Variants in NRCAM observed in about 807,000 individuals in gnomAD.
NRCAM encodes NgCAM-related cell adhesion molecule.
NRCAM carries 83 observed loss-of-function variants against 156.5 expected under a neutral mutation model. The observed-to-expected ratio is 0.53, with a 90% confidence interval of 0.44 to 0.64. The LOEUF (loss-of-function observed/expected upper bound fraction) is 0.64, where lower values mean the gene tolerates loss of function less well. Ranked by LOEUF, NRCAM falls within the 30% of genes least tolerant of loss-of-function variation. The probability of loss-of-function intolerance (pLI) is 0.00; values close to 1 mark genes in which losing one functional copy is unlikely to be tolerated. For missense variants in NRCAM, 1,417 were observed against 1,597.3 expected (o/e 0.89, Z 1.92); for synonymous variants, 538 against 563.9 (o/e 0.95, Z 0.65).
intron 28 of NRCAM, among the ~76,000 whole-genome samples, chr7:108,171,108 C>G (rs1055855963): frequency 3.3e-5 from 5 of 152,194 alleles, no homozygotes; most frequent in African/African-American, 1.2e-4. Context: ...CCCCACTCAT[C>G]CACCTTCTCA....
intron 2 of NRCAM, among the ~76,000 whole-genome samples, chr7:108,354,537 C>G (rs2099465502): frequency 6.6e-6 from 1 of 152,186 alleles, no homozygotes; most frequent in South Asian, 2.1e-4. Context: ...TCAAGAGCAT[C>G]TATAGACATA....
chr7:108,208,659 C>T (rs1403822650), intron 12 of NRCAM, among the ~76,000 whole-genome samples: 1 of 152,142 alleles, frequency 6.6e-6, no homozygotes, highest in East Asian at 1.9e-4. Flanking sequence ...CTTTCCTTGT[C>T]TTTTGTGACC....
intron 1 of NRCAM, among the ~76,000 whole-genome samples, chr7:108,432,261 A>T (rs1414131424): frequency 6.6e-6 from 1 of 152,254 alleles, no homozygotes; most frequent in Non-Finnish European, 1.5e-5. Context: ...TGATCCTTTA[A>T]TATGGATTAC....
At chr7:108,213,498 C>A (rs891768873) in intron 11 of NRCAM, among the ~76,000 whole-genome samples, 4 of 152,162 alleles carry the variant, frequency 2.6e-5, no homozygotes, top group African/African-American at 9.7e-5. Flanking sequence ...GAACTCACCA[C>A]CAACTATCTG....
At chr7:108,296,826 T>C (rs2098462912) in intron 3 of NRCAM, among the ~76,000 whole-genome samples, 1 of 152,192 alleles carries the variant, frequency 6.6e-6, no homozygotes, top group Admixed American at 6.5e-5. Context: ...GAAAAATCTC[T>C]AAGAAACAAA....
At chr7:108,456,054 T>C (rs1024436729) in intron 1 of NRCAM, among the ~76,000 whole-genome samples, 189 bp downstream of exon 1, 1 of 151,906 alleles carries the variant, frequency 6.6e-6, no homozygotes, top group Non-Finnish European at 1.5e-5. Flanking sequence ...GTCGGGGGCC[T>C]GCAGGGGAGA....
intron 2 of NRCAM, among the ~76,000 whole-genome samples, chr7:108,372,370 AC>A (rs1336490488): frequency 0.025 from 11 of 444 alleles, no homozygotes; most frequent in South Asian, 0.056. Context: ...AACAACAACA[AC>A]AACAAAAAAT....
intron 1 of NRCAM, among the ~76,000 whole-genome samples, chr7:108,406,993 ATTCT>A (rs767756101): frequency 3.9e-5 from 6 of 152,230 alleles, no homozygotes; most frequent in Non-Finnish European, 5.9e-5. Context: ...AATAATATTT[ATTCT>A]TTCTTATCAA....
At chr7:108,350,517 G>A (rs533151182) in intron 2 of NRCAM, among the ~76,000 whole-genome samples, 1 of 152,320 alleles carries the variant, frequency 6.6e-6, no homozygotes, top group East Asian at 1.9e-4. Context: ...ACTTGGGTGG[G>A]ACAATATTGA....
intron 2 of NRCAM, among the ~76,000 whole-genome samples, chr7:108,390,291 T>C (rs183159640): frequency 6.0e-4 from 91 of 152,288 alleles, no homozygotes; most frequent in African/African-American, 1.9e-3. Flanking sequence ...GGAGGGTACA[T>C]GTGTCGGGGA....
chr7:108,174,256 T>A (rs893658230), intron 28 of NRCAM, among the ~76,000 whole-genome samples: 14 of 152,358 alleles, frequency 9.2e-5, no homozygotes, highest in Admixed American at 7.8e-4. Flanking sequence ...CAGTCCTTAT[T>A]CAATAACTCC....
chr7:108,271,475 A>G (rs2097347237), intron 3 of NRCAM, among the ~76,000 whole-genome samples: 1 of 152,154 alleles, frequency 6.6e-6, no homozygotes, highest in African/African-American at 2.4e-5. Context: ...ACGCGGGCAG[A>G]TCACTTGAGA....
chr7:108,151,146 T>C (rs427698), intron 32 of NRCAM, among the ~76,000 whole-genome samples: 101 of 152,322 alleles, frequency 6.6e-4, no homozygotes, highest in African/African-American at 2.2e-3. Flanking sequence ...ATTATGTTTT[T>C]GAATGTTCAC....
intron 2 of NRCAM, among the ~76,000 whole-genome samples, chr7:108,346,098 T>C (rs1411365130): frequency 6.6e-6 from 1 of 152,090 alleles, no homozygotes; most frequent in Non-Finnish European, 1.5e-5. Context: ...AGGTAAGAAA[T>C]TATGCAGGCT....
chr7:108,311,904 T>C (rs2098808569), intron 3 of NRCAM, among the ~76,000 whole-genome samples: 1 of 152,206 alleles, frequency 6.6e-6, no homozygotes, highest in African/African-American at 2.4e-5. Flanking sequence ...AAGAACTGAA[T>C]GTCTGAACAA....
intron 1 of NRCAM, among the ~76,000 whole-genome samples, chr7:108,427,427 T>C (rs188375402): frequency 6.6e-6 from 1 of 152,330 alleles, no homozygotes; most frequent in East Asian, 1.9e-4. Context: ...AAATATTTAT[T>C]GAATTTAGTT....
At chr7:108,405,007 C>T (rs2099803315) in intron 1 of NRCAM, among the ~76,000 whole-genome samples, 1 of 152,178 alleles carries the variant, frequency 6.6e-6, no homozygotes, top group African/African-American at 2.4e-5. Flanking sequence ...TTTTCCTCGT[C>T]CCCTCCGCTA....
At chr7:108,311,648 T>A (rs1192843970) in intron 3 of NRCAM, among the ~76,000 whole-genome samples, 1 of 152,214 alleles carries the variant, frequency 6.6e-6, no homozygotes, top group Non-Finnish European at 1.5e-5. Flanking sequence ...CTGATGGTAT[T>A]TTGAAACACT....
rs754160030 is a variant in NRCAM at position 108,347,032 on chromosome 7, GTT to G, written c.-173-34303_-173-34302del. Among the ~76,000 whole-genome samples the G allele has an allele frequency of 7.6e-4, 63 of 83,040 alleles. 1 individual carries two copies. Among genetic ancestry groups the G allele is most frequent in the South Asian group, 1.4e-3 (3 of 2,072 alleles). The allele number at this position is 83,040 out of a possible 152,430, so 54.5% of individuals were successfully genotyped here. ...CATATGTGACTCATATTATATTTCT[GTT>G]TTTTTTTTTTTTTTTTTTTTTGAGA... is the stretch of plus-strand genomic sequence containing the variant. On this transcript the variant is annotated intron_variant, in intron 2 of 32. Transcript: ENST00000379028.
Sources: allele counts gnomAD v4.1 joint callset (sites outside exome capture counted in the v4.1 genomes callset), GRCh38; gene constraint gnomAD v4.1.1; transcripts MANE v1.5; gene names NCBI Gene and HGNC (gene_info 2026-07-23, HGNC 2026-07-21).